The following SASH1 variants were observed in gnomAD, a reference collection of about 807,000 sequenced individuals.
SASH1 encodes SAM and SH3 domain containing 1, also known as SAM and SH3 domain-containing protein 1.
A neutral mutation model predicts 125.2 loss-of-function variants in SASH1; 44 were observed. That is an observed-to-expected ratio of 0.35 (90% confidence interval 0.28 to 0.45). The LOEUF is 0.45. SASH1 is among the 20% of genes least tolerant of loss of function. The pLI is 1.00. For synonymous variants in SASH1, 639 were observed against 649.1 expected (o/e 0.98, Z 0.24); for missense variants, 1,426 against 1,614.5 (o/e 0.88, Z 2.00).
At chr6:148,362,050 A>G (rs1583023569) in intron 1 of SASH1, among the ~76,000 whole-genome samples, 2 of 148,834 alleles carry the variant, frequency 1.3e-5, no homozygotes, top group Non-Finnish European at 3.0e-5. Context: ...AGTAGCTGGG[A>G]CTACAGACGC....
At chr6:148,282,622 C>A (rs948882643) in intron 1 of SASH1, among the ~76,000 whole-genome samples, 4 of 151,980 alleles carry the variant, frequency 2.6e-5, no homozygotes, top group African/African-American at 9.7e-5. Context: ...CCTTGTGATC[C>A]CCCCGCCTCA....
chr6:148,424,232 CT>C (rs755742706), intron 2 of SASH1, among the ~76,000 whole-genome samples: 2,373 of 140,506 alleles, frequency 0.017, 21 homozygotes, highest in Non-Finnish European at 0.024. Context: ...TGTTCTTCTT[CT>C]TTTTTTTTTT....
chr6:148,238,538 A>G, the SASH1 span, among the ~76,000 whole-genome samples: 2 of 151,542 alleles, frequency 1.3e-5, no homozygotes, highest in African/African-American at 4.8e-5. Flanking sequence ...ATTTTCTTTT[A>G]ATATACCATA....
In SASH1 at chr6:148,523,828, A is replaced by G. The variant is rs139303341; in HGVS notation, c.1210-1463A>G. Among the ~76,000 whole-genome samples, 426 of 152,348 alleles carry G rather than the reference A, an allele frequency of 2.8e-3. 1 individual carries two copies. The highest frequency in any genetic ancestry group is 9.6e-3 in the African/African-American group (399 of 41,572). ...TAACAGCTGTCAGGATGACTACCAC[A>G]TTCTCAGTACAGCCTTAATGAAAAG... is the stretch of plus-strand genomic sequence containing the variant. On this transcript the variant is annotated intron_variant, in intron 10 of 19. Coordinates refer to ENST00000367467, the MANE Select transcript of SASH1 (RefSeq NM_015278.5).
At chr6:148,339,732 A>G (rs1018118479), upstream of SASH1, among the ~76,000 whole-genome samples, 1 of 151,290 alleles carries the variant, frequency 6.6e-6, no homozygotes, top group East Asian at 2.0e-4. Flanking sequence ...TTTAGTAGAG[A>G]TGGGGTTTTG....
chr6:148,548,639 C>T lies in SASH1; in HGVS notation c.*81C>T. On this transcript the variant is annotated 3_prime_UTR_variant, in exon 20 of 20. Coordinates refer to ENST00000367467, the MANE Select transcript of SASH1 (RefSeq NM_015278.5). Reference sequence around the variant, plus strand: ...TGCTGATGCAATTCCTCCATCATCTCTGGACGTGCAGACCAGATCCAGAAG... The same window carrying T: ...TGCTGATGCAATTCCTCCATCATCTTTGGACGTGCAGACCAGATCCAGAAG... The T allele has an allele frequency of 1.4e-6, 2 of 1,464,252 alleles. No individual in the cohort carries two copies. Among genetic ancestry groups the T allele is most frequent in the Non-Finnish European group, 1.8e-6 (2 of 1,091,778 alleles). 90.7% of individuals were successfully genotyped at this position (1,464,252 alleles called of 1,614,324 possible).
At chr6:148,221,799 A>G in the SASH1 span, among the ~76,000 whole-genome samples, 8 of 152,344 alleles carry the variant, frequency 5.3e-5, no homozygotes, top group Admixed American at 3.9e-4. Flanking sequence ...GAAGGAAGTG[A>G]CAGGAGAAGT....
intron 1 of SASH1, among the ~76,000 whole-genome samples, chr6:148,301,450 G>C (rs2128513479): frequency 6.6e-6 from 1 of 152,098 alleles, no homozygotes; most frequent in Admixed American, 6.5e-5. Flanking sequence ...ATTTTTGGTA[G>C]AGACAGGGTT....
the SASH1 span, among the ~76,000 whole-genome samples, chr6:148,207,940 G>A: frequency 2.0e-5 from 3 of 152,194 alleles, no homozygotes; most frequent in South Asian, 2.1e-4. Context: ...AAAACCTGGC[G>A]CTCTCTCATC....
At chr6:148,287,913 T>C (rs1443831194) in intron 1 of SASH1, among the ~76,000 whole-genome samples, 2 of 152,234 alleles carry the variant, frequency 1.3e-5, no homozygotes, top group African/African-American at 4.8e-5. Flanking sequence ...TGGTACAGTA[T>C]GGAACTAACC....
chr6:148,264,005 T>A, the SASH1 span, among the ~76,000 whole-genome samples: 3 of 152,122 alleles, frequency 2.0e-5, no homozygotes, highest in African/African-American at 7.2e-5. Flanking sequence ...TTGTTTATTG[T>A]TACCTGTACA....
chr6:148,514,295 A>G (rs747454547), intron 8 of SASH1, 29 bp from the exon 9 acceptor site: 96 of 1,580,390 alleles, frequency 6.1e-5, no homozygotes, highest in Non-Finnish European at 1.7e-6. Flanking sequence ...CAATTACCTG[A>G]TTAACTTTTT....
intron 7 of SASH1, among the ~76,000 whole-genome samples, chr6:148,476,732 C>T (rs931564285): frequency 6.6e-6 from 1 of 152,042 alleles, no homozygotes. Context: ...TTGTATTGAA[C>T]CACAGAATAC....
In SASH1 at chr6:148,296,744, C is replaced by T. The variant is rs537344103; in HGVS notation, n.74+24367C>T. Among the ~76,000 whole-genome samples, 74 of 152,222 alleles carry T rather than the reference C, an allele frequency of 4.9e-4. 1 individual carries two copies. Among genetic ancestry groups the T allele is most frequent in the African/African-American group, 1.7e-3 (71 of 41,540 alleles). On this transcript the variant is annotated intron_variant and non_coding_transcript_variant, in intron 1 of 3. Transcript: ENST00000367469. The stretch of plus-strand genomic sequence containing the variant: ...GCACATGTCCAAAATCCCTTCGGTG[C>T]GGCAGTTTGGAGAAAGGGGTCAAGG...
chr6:148,254,909 G>T, the SASH1 span, among the ~76,000 whole-genome samples: 3 of 152,084 alleles, frequency 2.0e-5, no homozygotes, highest in African/African-American at 7.2e-5. Context: ...GTGCATGAAT[G>T]TTCATAGTAA....
At chr6:148,331,149 T>C (rs1422738998) in intron 1 of SASH1, among the ~76,000 whole-genome samples, 1 of 152,224 alleles carries the variant, frequency 6.6e-6, no homozygotes, top group Non-Finnish European at 1.5e-5. Context: ...CATGGGCATC[T>C]GTATAGATCT....
the SASH1 span, among the ~76,000 whole-genome samples, chr6:148,243,347 G>A: frequency 6.6e-6 from 1 of 152,042 alleles, no homozygotes; most frequent in African/African-American, 2.4e-5. Context: ...CTACTCGGGA[G>A]GCTGAGGCAG....
At chr6:148,301,621 C>G (rs527450368) in intron 1 of SASH1, among the ~76,000 whole-genome samples, 1 of 151,734 alleles carries the variant, frequency 6.6e-6, no homozygotes, top group South Asian at 2.1e-4. Context: ...CTCTGTGGCC[C>G]AGGCTGGAGT....
At chr6:148,243,650 T>A in the SASH1 span, among the ~76,000 whole-genome samples, 1 of 22,962 alleles carries the variant, frequency 4.4e-5, no homozygotes. Flanking sequence ...AAACTGTGTC[T>A]CAAAAAAAAA....
Sources: allele counts gnomAD v4.1 joint callset (sites outside exome capture counted in the v4.1 genomes callset), GRCh38; gene constraint gnomAD v4.1.1; transcripts MANE v1.5; gene names NCBI Gene and HGNC (gene_info 2026-07-23, HGNC 2026-07-21).